FNDC5: variants seen among roughly 807,000 people sequenced by gnomAD.
FNDC5 encodes fibronectin type III domain-containing protein 5.
FNDC5 carries 10 observed loss-of-function variants against 24.6 expected under a neutral mutation model. That is an observed-to-expected ratio of 0.41 (90% CI 0.25 to 0.69). FNDC5 has a LOEUF of 0.69. FNDC5 is among the 30% of genes least tolerant of loss of function. The pLI, the probability that FNDC5 is intolerant of heterozygous loss-of-function variation, is 0.34. For synonymous variants in FNDC5, 90 were observed against 110.7 expected (o/e 0.81, Z 1.18); for missense variants, 226 against 282.9 (o/e 0.80, Z 1.44).
chr1:32,868,139 C>T lies in FNDC5; in HGVS notation c.409+51G>A, dbSNP rs374868584. The T allele has an allele frequency of 3.1e-4, 488 of 1,598,344 alleles. 1 individual carries two copies. The highest frequency in any genetic ancestry group is 3.0e-3 in the Middle Eastern group (15 of 5,040). ...CCTCAAGCCACCCACTGGTCTGGTC[C>T]TGACCACCCCTCACCCCACCCCATT... On this transcript the variant is annotated intron_variant, in intron 3 of 5. Transcript: ENST00000373471. This position sits in a 1 kb window ranked among gnomAD's most constrained non-coding sequence, Gnocchi z 4.8.
At chr1:32,869,669 A>G (rs1234096645) in intron 1 of FNDC5, among the ~76,000 whole-genome samples, 1 of 152,048 alleles carries the variant, frequency 6.6e-6, no homozygotes, top group Non-Finnish European at 1.5e-5. Context: ...GCGAGTGGAG[A>G]GGAGAGAACA....
chr1:32,870,741 G>C lies in FNDC5; in HGVS notation c.6C>G (p.His2Gln). The change falls in exon 1 of 6, where the codon CAC becomes CAG. Residue 2 changes from histidine (H) to glutamine (Q), a missense_variant. Physicochemically the swap from His to Gln is conservative, Grantham distance 24. Coordinates refer to ENST00000373471, the MANE Select transcript of FNDC5 (RefSeq NM_153756.3). ...GCGGCCAGGCGCTCGGCGACCCGGG[G>C]TGTATGGTGGCTCCTCCGGCCGGCA... is the stretch of plus-strand genomic sequence containing the variant. 14 of 1,151,200 alleles carry C rather than the reference G, an allele frequency of 1.2e-5. No homozygotes were observed. Among genetic ancestry groups the C allele is most frequent in the Non-Finnish European group, 1.5e-5 (14 of 936,908 alleles). The allele number at this position is 1,151,200 out of a possible 1,614,324, so 71.3% of individuals were successfully genotyped here. A position where few individuals can be genotyped will look rare whatever the true frequency, so the allele number is the denominator to read the frequency against.
In FNDC5 at chr1:32,868,319, C is replaced by A; in HGVS notation, c.280G>T (p.Asp94Tyr). 3 of 1,614,174 alleles carry A rather than the reference C, an allele frequency of 1.9e-6. No homozygotes were observed. Among genetic ancestry groups the A allele is most frequent in the Non-Finnish European group, 2.5e-6 (3 of 1,180,028 alleles). ...ATGTACTCCGTATCCTCCTCCAGGT[C>A]CCAGAGGGCACATGAGCGGGTGGTG... The change falls in exon 3 of 6, where the codon GAC (aspartate) becomes TAC (tyrosine). Residue 94 changes from aspartate to tyrosine, a missense_variant. Asp to Tyr is a radical substitution (Grantham distance 160). Coordinates refer to ENST00000373471, the MANE Select transcript of FNDC5 (RefSeq NM_153756.3). The surrounding 1 kb of genome is among the most constrained non-coding windows in gnomAD (Gnocchi z 4.8).
At chr1:32,867,335 G>T (rs1641090313) in intron 4 of FNDC5, among the ~76,000 whole-genome samples, 1 of 152,154 alleles carries the variant, frequency 6.6e-6, no homozygotes, top group South Asian at 2.1e-4. Flanking sequence ...GGGTCTAGAA[G>T]GGTGAGTAGG....
rs1327941489 is a variant in FNDC5 at position 32,864,733 on chromosome 1, C to T, written c.564G>A (p.Lys188=). 6.2e-7 allele frequency: 1 copy of T among 1,614,106 alleles called. No individual in the cohort carries two copies. The highest frequency in any genetic ancestry group is 1.1e-5 in the South Asian group (1 of 91,084). ...TTTCTGATGCACTCTTGGTTTTTTC[C>T]TTGTTGTTATTGGGTTCATTGTCCT... Residue 188 remains lysine, a synonymous_variant, in exon 5 of 6, where the codon AAG becomes AAA. Transcript: ENST00000373471.
chr1:32,871,903 T>C (rs1296190444), upstream of FNDC5, among the ~76,000 whole-genome samples: 1 of 152,186 alleles, frequency 6.6e-6, no homozygotes, highest in Non-Finnish European at 1.5e-5. Flanking sequence ...GAGAGAGGCA[T>C]GGACCAGGGC....
upstream of FNDC5, among the ~76,000 whole-genome samples, chr1:32,871,146 C>T (rs531376371): frequency 6.6e-6 from 1 of 151,986 alleles, no homozygotes; most frequent in Admixed American, 6.5e-5. Context: ...GCCGCGGTCA[C>T]TCTCTCTCCC....
chr1:32,867,624 G>T, intron 4 of FNDC5, 129 bp downstream of exon 4: 1 of 797,398 alleles, frequency 1.3e-6, no homozygotes, highest in Non-Finnish European at 2.0e-6. Context: ...TCGTTGGCAG[G>T]ACTTGGAGAC....
intron 4 of FNDC5, among the ~76,000 whole-genome samples, chr1:32,865,241 A>C (rs1385726160): frequency 1.3e-5 from 2 of 151,928 alleles, no homozygotes; most frequent in African/African-American, 4.8e-5. Flanking sequence ...CTGGGATTAC[A>C]GGTATGCGCC....
At chr1:32,871,921 CTT>C (rs368457579), upstream of FNDC5, among the ~76,000 whole-genome samples, 16 of 152,310 alleles carry the variant, frequency 1.1e-4, 1 homozygote, top group South Asian at 3.1e-3. Context: ...GGCTCAGGGC[CTT>C]TTGTCTCAGC....
intron 4 of FNDC5, among the ~76,000 whole-genome samples, chr1:32,867,248 G>T (rs1641088876): frequency 6.6e-6 from 1 of 152,164 alleles, no homozygotes; most frequent in African/African-American, 2.4e-5. Context: ...TGCGGTGGGG[G>T]TGTGGAAGCA....
intron 4 of FNDC5, 88 bp from the exon 5 acceptor site, chr1:32,864,885 C>T: frequency 6.4e-7 from 1 of 1,552,282 alleles, no homozygotes; most frequent in Admixed American, 1.9e-5. Context: ...CCAATGGTCT[C>T]TCCAGATTGT....
chr1:32,867,498 C>T (rs981618620), intron 4 of FNDC5, among the ~76,000 whole-genome samples: 2 of 152,182 alleles, frequency 1.3e-5, no homozygotes, highest in African/African-American at 4.8e-5. Context: ...AGCTGAACCT[C>T]TTCTGAGGGA....
rs958192844 is a variant in FNDC5, at chr1:32,864,572, T to G, written c.633+92A>C. The G allele has an allele frequency of 6.3e-6, 10 of 1,589,484 alleles. No homozygotes were observed. In the African/African-American group the frequency reaches 1.2e-4, roughly 19 times the overall value. ...GTCTGGCTCTGCCCAGCTGTCGCCA[T>G]GCCAGTCCCCGAGCTGACCCCCTCT... On this transcript the variant is annotated intron_variant, in intron 5 of 5. Coordinates refer to ENST00000373471, the MANE Select transcript of FNDC5 (RefSeq NM_153756.3).
In FNDC5 at chr1:32,870,801, G is replaced by C. The variant is rs1360492267; in HGVS notation, c.-55C>G. 2.5e-6 allele frequency: 2 copies of C among 787,234 alleles called. No homozygotes were observed. Among genetic ancestry groups the C allele is most frequent in the Non-Finnish European group, 1.5e-6 (1 of 653,016 alleles). 48.8% of individuals were successfully genotyped at this position (787,234 alleles called of 1,614,324 possible). A position where few individuals can be genotyped will look rare whatever the true frequency, so the allele number is the denominator to read the frequency against. ...CGGCGCAGGGGGACGCGGCTCCGGC[G>C]CCCGGCGGCCGCTCGCGCTCGCGCT... On this transcript the variant is annotated 5_prime_UTR_variant, in exon 1 of 6. Coordinates refer to ENST00000373471, the MANE Select transcript of FNDC5 (RefSeq NM_153756.3).
chr1:32,868,304 T>G lies in FNDC5; in HGVS notation c.295A>C (p.Thr99Pro). The change falls in exon 3 of 6, where the codon ACG (threonine) becomes CCG (proline). Residue 99 changes from threonine (T) to proline (P), a missense_variant. Physicochemically the swap from Thr to Pro is conservative, Grantham distance 38. Transcript: ENST00000373471. This position sits in a 1 kb window ranked among gnomAD's most constrained non-coding sequence, Gnocchi z 4.8. ...GCCTGCACGTGGACTATGTACTCCG[T>G]ATCCTCCTCCAGGTCCCAGAGGGCA... 2 of 1,614,208 alleles carry G rather than the reference T, an allele frequency of 1.2e-6. No individual in the cohort carries two copies. Among genetic ancestry groups the G allele is most frequent in the Non-Finnish European group, 1.7e-6 (2 of 1,180,034 alleles).
At position 32,864,140 on chromosome 1, in the gene FNDC5, G is replaced by A. The variant is rs1018245044; in HGVS notation, c.*154C>T. 18 of 1,553,692 alleles carry A rather than the reference G, an allele frequency of 1.2e-5. No individual in the cohort carries two copies. Among genetic ancestry groups the A allele is most frequent in the African/African-American group, 2.7e-5 (2 of 73,052 alleles). On this transcript the variant is annotated 3_prime_UTR_variant, in exon 6 of 6. Coordinates refer to ENST00000373471, the MANE Select transcript of FNDC5 (RefSeq NM_153756.3). ...AGGCTTCAGGAAAGTGCGCCAGAGA[G>A]AGGACAGTAAGCCAGAGGGTACAAG...
intron 4 of FNDC5, 37 bp downstream of exon 4, chr1:32,867,716 T>A (rs755197969): frequency 1.9e-6 from 3 of 1,595,870 alleles, no homozygotes; most frequent in Non-Finnish European, 2.6e-6. Flanking sequence ...TTTCCCAGAA[T>A]CTGAGGGAAG....
chr1:32,870,792 G>A lies in FNDC5; in HGVS notation c.-46C>T. ...GGCCCGGGGCGGCGCAGGGGGACGCGGCTCCGGCGCCCGGCGGCCGCTCGC... is the reference window on the plus strand; with the variant it reads ...GGCCCGGGGCGGCGCAGGGGGACGCAGCTCCGGCGCCCGGCGGCCGCTCGC... On this transcript the variant is annotated 5_prime_UTR_variant, in exon 1 of 6. Coordinates refer to ENST00000373471, the MANE Select transcript of FNDC5 (RefSeq NM_153756.3). 2.3e-6 allele frequency: 2 copies of A among 861,704 alleles called. No individual in the cohort carries two copies. The highest frequency in any genetic ancestry group is 1.9e-5 in the African/African-American group (1 of 53,910). 53.4% of individuals were successfully genotyped at this position (861,704 alleles called of 1,614,324 possible). A position where few individuals can be genotyped will look rare whatever the true frequency, so the allele number is the denominator to read the frequency against.
Sources: gnomAD v4.1 joint callset for allele counts (sites outside exome capture counted in the v4.1 genomes callset) on GRCh38, gnomAD v4.1.1 for gene constraint, Gnocchi (gnomAD v3.1) non-coding constraint, MANE v1.5 for transcripts, NCBI Gene and HGNC (gene_info 2026-07-23, HGNC 2026-07-21) for gene names.